RNF169: variants seen among roughly 807,000 people sequenced by gnomAD.
The protein encoded by RNF169 is E3 ubiquitin-protein ligase RNF169.
In RNF169, 24 loss-of-function variants were observed where a neutral mutation model predicts 53.9. The ratio of observed to expected loss-of-function variants is 0.45; its 90% confidence interval spans 0.32 to 0.63. The LOEUF is 0.63. Ranked by LOEUF, RNF169 falls within the 20% of genes least tolerant of loss-of-function variation. The pLI, the probability that RNF169 is intolerant of heterozygous loss-of-function variation, is 0.04. For missense variants in RNF169, 883 were observed against 906.2 expected (o/e 0.97, Z 0.33); for synonymous variants, 396 against 363.5 (o/e 1.09, Z -1.02).
intron 1 of RNF169, among the ~76,000 whole-genome samples, chr11:74,769,248 C>T (rs2035222591): frequency 1.3e-5 from 2 of 152,114 alleles, no homozygotes; most frequent in Admixed American, 1.3e-4. Flanking sequence ...AACTGAAAGT[C>T]TGGTAAACAT....
chr11:74,783,242 GT>G (rs748945957), intron 1 of RNF169, among the ~76,000 whole-genome samples: 33 of 142,236 alleles, frequency 2.3e-4, no homozygotes, highest in African/African-American at 2.3e-4. Flanking sequence ...AGTTTGTTTT[GT>G]TTTTTTTTTT....
In RNF169 at chr11:74,842,110, T is replaced by G. The variant is rs895365035; in HGVS notation, c.*5380T>G. ...CCCCTCCTGCCTAGAAAATAGGTTG[T>G]GTATTGGTTTTATTCAACCTGCTGT... On this transcript the variant is annotated 3_prime_UTR_variant, in exon 6 of 6. Coordinates refer to ENST00000299563, the MANE Select transcript of RNF169 (RefSeq NM_001098638.2). The G allele has an allele frequency of 1.3e-5, 2 of 152,136 alleles. No homozygotes were observed. Among genetic ancestry groups the G allele is most frequent in the African/African-American group, 2.4e-5 (1 of 41,422 alleles). The allele number at this position is 152,136 out of a possible 1,614,324, so 9.4% of individuals were successfully genotyped here. A position where few individuals can be genotyped will look rare whatever the true frequency, so the allele number is the denominator to read the frequency against.
chr11:74,827,332 G>A (rs1472970268), intron 4 of RNF169, among the ~76,000 whole-genome samples: 1 of 152,176 alleles, frequency 6.6e-6, no homozygotes, highest in Non-Finnish European at 1.5e-5. Flanking sequence ...GCAAGGCCCT[G>A]GGCCCAGCCC....
intron 4 of RNF169, among the ~76,000 whole-genome samples, chr11:74,826,378 G>T (rs908743582): frequency 2.0e-5 from 3 of 151,978 alleles, no homozygotes; most frequent in African/African-American, 7.3e-5. Flanking sequence ...TCACTATCAC[G>T]AGAACAGCAT....
chr11:74,833,310 A>C (rs983068526), intron 4 of RNF169, among the ~76,000 whole-genome samples: 1 of 152,252 alleles, frequency 6.6e-6, no homozygotes, highest in African/African-American at 2.4e-5. Context: ...TCTGAAAACA[A>C]GTCTTTTGCT....
At chr11:74,783,242 G>GTT (rs748945957) in intron 1 of RNF169, among the ~76,000 whole-genome samples, 18 of 142,344 alleles carry the variant, frequency 1.3e-4, no homozygotes, top group African/African-American at 4.1e-4. Flanking sequence ...AGTTTGTTTT[G>GTT]TTTTTTTTTT....
intron 2 of RNF169, chr11:74,807,695 T>G (rs979201731): frequency 5.9e-5 from 9 of 152,198 alleles, no homozygotes; most frequent in South Asian, 4.1e-4. Flanking sequence ...GAGGTAAGTT[T>G]GATAAACTTA....
At chr11:74,821,614 C>T (rs1389428311) in intron 4 of RNF169, among the ~76,000 whole-genome samples, 1 of 66,174 alleles carries the variant, frequency 1.5e-5, no homozygotes, top group African/African-American at 1.6e-4. Flanking sequence ...GCCGAGATCC[C>T]GCCACTGCAC....
At chr11:74,797,976 A>G (rs924717299) in intron 2 of RNF169, among the ~76,000 whole-genome samples, 2 of 152,278 alleles carry the variant, frequency 1.3e-5, no homozygotes, top group South Asian at 4.1e-4. Flanking sequence ...TTTCATGGAC[A>G]CTTATCACTT....
chr11:74,756,399 T>C (rs1373522194), intron 1 of RNF169, among the ~76,000 whole-genome samples: 1 of 152,236 alleles, frequency 6.6e-6, no homozygotes, highest in East Asian at 1.9e-4. Context: ...CTGTATGTTA[T>C]TGGATACTCT....
chr11:74,835,513 G>T (rs199747687), intron 5 of RNF169, 33 bp from the exon 6 acceptor site: 19 of 1,506,832 alleles, frequency 1.3e-5, no homozygotes, highest in African/African-American at 1.1e-4. Context: ...ATGTATGTGT[G>T]TATGAAGGCA....
intron 3 of RNF169, among the ~76,000 whole-genome samples, chr11:74,811,528 C>T (rs981104817): frequency 3.9e-5 from 6 of 152,136 alleles, no homozygotes; most frequent in Non-Finnish European, 5.9e-5. Flanking sequence ...AGCCCCTGCC[C>T]GGCCTTGGTT....
At chr11:74,828,952 A>G (rs2036137109) in intron 4 of RNF169, among the ~76,000 whole-genome samples, 2 of 152,236 alleles carry the variant, frequency 1.3e-5, no homozygotes, top group Admixed American at 1.3e-4. Flanking sequence ...TTCATGACGA[A>G]GATGTCAAAA....
In RNF169 at chr11:74,834,173, T is replaced by A. The variant is rs147115471; in HGVS notation, c.843-503T>A. On this transcript the variant is annotated intron_variant, in intron 4 of 5. Transcript: ENST00000299563. ...CTGAAATCACTAGGATTTAGGCCTT[T>A]GAAAGCTCAAATGTAATGGATTAAA... is the stretch of plus-strand genomic sequence containing the variant. Among the ~76,000 whole-genome samples, 802 of 152,328 alleles carry A rather than the reference T, an allele frequency of 5.3e-3. 4 individuals carry two copies. Among genetic ancestry groups the A allele is most frequent in the African/African-American group, 0.018 (761 of 41,574 alleles).
rs774150713 is a variant in RNF169 at position 74,835,986 on chromosome 11, A to G, written c.1383A>G (p.Glu461=). Reference sequence around the variant, plus strand: ...CCTCTCTGGCTCCTGAAATGGGGGAAGAGTTACTAGGCTCTGAAGGTATCC... The same window carrying G: ...CCTCTCTGGCTCCTGAAATGGGGGAGGAGTTACTAGGCTCTGAAGGTATCC... The part of the protein sequence containing the change: ...TLTSLAPEMG[E]ELLGSEGIHS... The change falls in exon 6 of 6, where the codon GAA becomes GAG. Residue 461 remains glutamate (E), a synonymous_variant. Coordinates refer to ENST00000299563, the MANE Select transcript of RNF169 (RefSeq NM_001098638.2). The G allele has an allele frequency of 1.9e-6, 3 of 1,614,090 alleles. No individual in the cohort carries two copies. Among genetic ancestry groups the G allele is most frequent in the Admixed American group, 3.3e-5 (2 of 60,010 alleles).
At chr11:74,753,025 A>G (rs200993348) in intron 1 of RNF169, among the ~76,000 whole-genome samples, 1 of 152,112 alleles carries the variant, frequency 6.6e-6, no homozygotes, top group African/African-American at 2.4e-5. Context: ...CTGGAGTGCA[A>G]TGGCATGATC....
chr11:74,756,499 A>G (rs981184511), intron 1 of RNF169, among the ~76,000 whole-genome samples: 5 of 152,360 alleles, frequency 3.3e-5, no homozygotes, highest in African/African-American at 9.6e-5. Flanking sequence ...AATTATTACA[A>G]TGCTTGGTAT....
At chr11:74,774,079 C>A (rs376661538) in intron 1 of RNF169, among the ~76,000 whole-genome samples, 2 of 152,146 alleles carry the variant, frequency 1.3e-5, no homozygotes, top group South Asian at 4.1e-4. Flanking sequence ...GTCGCTCATG[C>A]CTGTAATCCC....
At chr11:74,780,350 T>C (rs1435551303) in intron 1 of RNF169, among the ~76,000 whole-genome samples, 1 of 152,230 alleles carries the variant, frequency 6.6e-6, no homozygotes, top group African/African-American at 2.4e-5. Flanking sequence ...AAATCTCATC[T>C]ATCCAGCATT....
Sources: gnomAD v4.1 joint callset for allele counts (sites outside exome capture counted in the v4.1 genomes callset) on GRCh38, gnomAD v4.1.1 for gene constraint, MANE v1.5 for transcripts, NCBI Gene and HGNC (gene_info 2026-07-23, HGNC 2026-07-21) for gene names.